SAXO2: variants seen among roughly 807,000 people sequenced by gnomAD.
The protein encoded by SAXO2 is stabilizer of axonemal microtubules 2.
In SAXO2, 17 loss-of-function variants were observed where a neutral mutation model predicts 18.7. That is an observed-to-expected ratio of 0.91 (90% CI 0.62 to 1.36). The LOEUF is 1.36. Ranked by LOEUF, SAXO2 falls within the 40% of genes most tolerant of loss-of-function variation. The probability of loss-of-function intolerance (pLI) is 0.00; values close to 1 mark genes in which losing one functional copy is unlikely to be tolerated. For synonymous variants in SAXO2, 163 were observed against 181.2 expected (o/e 0.90, Z 0.81); for missense variants, 486 against 562.6 (o/e 0.86, Z 1.38).
chr15:82,271,670 C>T lies in SAXO2; in HGVS notation c.301C>T (p.Gln101Ter), dbSNP rs756838105. ...TGTGCCAGAAGAATATAAACCAAAACAAGGGAAGATTGATCTTGGTACTAC... is the reference window on the plus strand; with the variant it reads ...TGTGCCAGAAGAATATAAACCAAAATAAGGGAAGATTGATCTTGGTACTAC... ...RHVPEEYKPK[Q>*]GKIDLGTTYK... The change falls in exon 3 of 4, where the codon CAA becomes TAA. Residue 101 changes from glutamine (Q) to a stop codon, truncating the protein, a stop_gained. Transcript: ENST00000682753. LOFTEE classifies it high-confidence loss of function. 2.5e-6 allele frequency: 4 copies of T among 1,613,888 alleles called. No individual in the cohort carries two copies. The Admixed American group carries it at 6.7e-5, about 27-fold the overall frequency.
chr15:82,278,625 A>AAAAGTGCATCCAGCATCTGCATTC (rs1950855351), intron 3 of SAXO2, among the ~76,000 whole-genome samples: 1 of 152,234 alleles, frequency 6.6e-6, no homozygotes, highest in South Asian at 2.1e-4. Flanking sequence ...AGTGCACTTG[A>AAAAGTGCATCCAGCATCTGCATTC]AAGCTTCATC....
rs915684029 is a variant in SAXO2 at position 82,284,428 on chromosome 15, A to C, written c.*1366A>C. Reference sequence around the variant, plus strand: ...AGGAAAAAGTATTATTTGCTAGGGTAGTTTTAGGAAGACTGACAGCTCTGA... The same window carrying C: ...AGGAAAAAGTATTATTTGCTAGGGTCGTTTTAGGAAGACTGACAGCTCTGA... On this transcript the variant is annotated 3_prime_UTR_variant, in exon 4 of 4. Coordinates refer to ENST00000682753, the MANE Select transcript of SAXO2 (RefSeq NM_001348699.2). 1 of 151,964 alleles carries C rather than the reference A, an allele frequency of 6.6e-6. No homozygotes were observed. Among genetic ancestry groups the C allele is most frequent in the East Asian group, 1.9e-4 (1 of 5,192 alleles). 9.4% of individuals were successfully genotyped at this position (151,964 alleles called of 1,614,324 possible). A position where few individuals can be genotyped will look rare whatever the true frequency, so the allele number is the denominator to read the frequency against.
At position 82,282,433 on chromosome 15, in the gene SAXO2, G is replaced by C; in HGVS notation, c.748G>C (p.Gly250Arg). The change falls in exon 4 of 4, where the codon GGT (glycine) becomes CGT (arginine). Residue 250 changes from glycine (G) to arginine (R), a missense_variant. Transcript: ENST00000682753. ...CACAACTCACCGGTGTGACTTTCAG[G>C]GTCTCATTGGTGAAACTGCAAAACT... is the stretch of plus-strand genomic sequence containing the variant. ...DLTTHRCDFQ[G>R]LIGETAKLCR... 1.2e-6 allele frequency: 2 copies of C among 1,614,042 alleles called. No individual in the cohort carries two copies. Among genetic ancestry groups the C allele is most frequent in the Non-Finnish European group, 1.7e-6 (2 of 1,180,024 alleles).
Position 82,282,257 on chromosome 15 carries a change from G to A in SAXO2, c.572G>A (p.Ser191Asn), listed in dbSNP as rs1267600631. Residue 191 changes from serine to asparagine, a missense_variant, in exon 4 of 4, where the codon AGC becomes AAC. Transcript: ENST00000682753. ...FVPQEIKPRQ[S>N]FKPSSVVKRS... ...CCTCAGGAGATAAAGCCTAGGCAAA[G>A]CTTTAAACCCTCCTCTGTGGTCAAA... The A allele has an allele frequency of 3.0e-5, 49 of 1,614,076 alleles. No individual in the cohort carries two copies. The highest frequency in any genetic ancestry group is 4.2e-5 in the Non-Finnish European group (49 of 1,180,040).
Position 82,282,442 on chromosome 15 carries a change from G to A in SAXO2, c.757G>A (p.Gly253Ser), listed in dbSNP as rs768951862. ...CCGGTGTGACTTTCAGGGTCTCATTGGTGAAACTGCAAAACTCTGCAGACC... is the reference window on the plus strand; with the variant it reads ...CCGGTGTGACTTTCAGGGTCTCATTAGTGAAACTGCAAAACTCTGCAGACC... ...THRCDFQGLI[G>S]ETAKLCRPVH... Residue 253 changes from glycine to serine, a missense_variant, in exon 4 of 4, where the codon GGT becomes AGT. Gly to Ser is a moderately conservative substitution (Grantham distance 56, BLOSUM62 0). Coordinates refer to ENST00000682753, the MANE Select transcript of SAXO2 (RefSeq NM_001348699.2). The A allele has an allele frequency of 3.1e-6, 5 of 1,614,066 alleles. No homozygotes were observed. The highest frequency in any genetic ancestry group is 4.2e-6 in the Non-Finnish European group (5 of 1,180,028).
In SAXO2 at chr15:82,271,603, G is replaced by C. The variant is rs901236932; in HGVS notation, c.234G>C (p.Lys78Asn). ...TATGTTTCAAATTTATATATTTCAGGTCGGATTATTGTCCTTATGAAATAG... is the reference window on the plus strand; with the variant it reads ...TATGTTTCAAATTTATATATTTCAGCTCGGATTATTGTCCTTATGAAATAG... ...HGKMEGITTF[K>N]SDYCPYEIVK... Residue 78 changes from lysine (K) to asparagine (N), a missense_variant and splice_region_variant, in exon 3 of 4, where the codon AAG becomes AAC. Transcript: ENST00000682753. The C allele has an allele frequency of 3.1e-6, 5 of 1,603,552 alleles. 1 individual carries two copies. In the South Asian group the frequency reaches 5.6e-5, roughly 18 times the overall value.
chr15:82,263,193 G>A (rs1344844781), intron 1 of SAXO2: 65 of 1,455,062 alleles, frequency 4.5e-5, no homozygotes, highest in South Asian at 5.8e-5. Context: ...GGCCAGGTAA[G>A]TAATATATGT....
At chr15:82,274,533 C>G (rs2075298284) in intron 3 of SAXO2, among the ~76,000 whole-genome samples, 1 of 151,748 alleles carries the variant, frequency 6.6e-6, no homozygotes, top group Non-Finnish European at 1.5e-5. Flanking sequence ...GAAACCCCAT[C>G]TCTACTAAAA....
chr15:82,264,995 A>G (rs2075201353), intron 1 of SAXO2: 2 of 509,398 alleles, frequency 3.9e-6, no homozygotes, highest in Non-Finnish European at 7.0e-6. Context: ...GAAATTCCCT[A>G]TTAGCTTTTC....
chr15:82,265,442 C>T, intron 1 of SAXO2, 127 bp from the exon 2 acceptor site: 1 of 610,316 alleles, frequency 1.6e-6, no homozygotes, highest in Non-Finnish European at 2.3e-6. Flanking sequence ...GTGCCCGGCC[C>T]AGTTTTTGGT....
chr15:82,271,568 C>T (rs2075271102), intron 2 of SAXO2, 35 bp from the exon 3 acceptor site: 1 of 1,512,688 alleles, frequency 6.6e-7, no homozygotes, highest in East Asian at 2.3e-5. Context: ...AATAAAAGAA[C>T]TTGTGAGGCT....
chr15:82,273,567 C>T (rs980700505), intron 3 of SAXO2, among the ~76,000 whole-genome samples: 1 of 152,072 alleles, frequency 6.6e-6, no homozygotes, highest in Non-Finnish European at 1.5e-5. Context: ...TCTTTGAGCA[C>T]ATAACATACT....
chr15:82,276,006 A>G (rs1047568699), intron 3 of SAXO2, among the ~76,000 whole-genome samples: 1 of 152,210 alleles, frequency 6.6e-6, no homozygotes, highest in Non-Finnish European at 1.5e-5. Flanking sequence ...AACCCTAAAG[A>G]TTCTGCCAAA....
intron 2 of SAXO2, among the ~76,000 whole-genome samples, chr15:82,270,165 T>C (rs12372925): frequency 0.074 from 11,189 of 152,094 alleles, 558 homozygotes; most frequent in Middle Eastern, 0.11. Context: ...GTGATCTAAG[T>C]TGTGGGAGTA....
At chr15:82,265,280 A>G (rs1976416) in intron 1 of SAXO2, among the ~76,000 whole-genome samples, 2,750 of 152,212 alleles carry the variant, frequency 0.018, 28 homozygotes, top group Non-Finnish European at 0.026. Flanking sequence ...AGCTGGGACT[A>G]CAGGGTACCC....
intron 3 of SAXO2, among the ~76,000 whole-genome samples, chr15:82,275,494 C>A (rs1029958300): frequency 1.3e-5 from 2 of 151,980 alleles, no homozygotes; most frequent in African/African-American, 4.8e-5. Context: ...AAACTACAGA[C>A]CATGGTCCCT....
chr15:82,269,935 G>A (rs115952525), intron 2 of SAXO2, among the ~76,000 whole-genome samples: 67 of 152,278 alleles, frequency 4.4e-4, no homozygotes, highest in South Asian at 1.7e-3. Context: ...CTGACTATGC[G>A]TCTGAAAGGA....
chr15:82,277,383 T>G lies in SAXO2; in HGVS notation c.434-4736T>G, dbSNP rs528122116. Among the ~76,000 whole-genome samples the G allele has an allele frequency of 2.0e-5, 3 of 152,232 alleles. No individual in the cohort carries two copies. In the South Asian group the frequency reaches 6.2e-4, roughly 32 times the overall value. ...TTATTTTAAAAAATATGCCAATAAT[T>G]TACAACTTACATAAAATGGATAAAT... is the stretch of plus-strand genomic sequence containing the variant. On this transcript the variant is annotated intron_variant, in intron 3 of 3. Coordinates refer to ENST00000682753, the MANE Select transcript of SAXO2 (RefSeq NM_001348699.2).
chr15:82,280,350 T>C (rs1356108383), intron 3 of SAXO2, among the ~76,000 whole-genome samples: 1 of 152,150 alleles, frequency 6.6e-6, no homozygotes, highest in Non-Finnish European at 1.5e-5. Context: ...TTTTCTCTTG[T>C]GTGGTAGCAA....
Sources: gnomAD v4.1 joint callset for allele counts (sites outside exome capture counted in the v4.1 genomes callset) on GRCh38, gnomAD v4.1.1 for gene constraint, MANE v1.5 for transcripts, NCBI Gene and HGNC (gene_info 2026-07-23, HGNC 2026-07-21) for gene names.